Variants in RASA1 observed in about 807,000 individuals in gnomAD.
The protein encoded by RASA1 is RAS p21 protein activator 1, also known as ras GTPase-activating protein 1.
Under a neutral mutation model 132.2 loss-of-function variants are expected in RASA1, and 25 were observed. The observed-to-expected ratio is 0.19, with a 90% CI of 0.14 to 0.26. The LOEUF is 0.26. RASA1 is among the 10% of genes least tolerant of loss of function. The pLI is 1.00. For synonymous variants in RASA1, 477 were observed against 449.9 expected, an observed-to-expected ratio of 1.06 and a Z score of -0.76; for missense variants, 964 against 1,299.2, an observed-to-expected ratio of 0.74 and a Z score of 3.97.
intron 22 of RASA1, among the ~76,000 whole-genome samples, chr5:87,386,207 A>G (rs1164891715): frequency 2.0e-5 from 3 of 151,956 alleles, no homozygotes; most frequent in East Asian, 1.9e-4. Flanking sequence ...GGAATTGCCT[A>G]TTGAGGTCCT....
intron 11 of RASA1, among the ~76,000 whole-genome samples, chr5:87,367,771 A>C (rs1561315189): frequency 6.6e-6 from 1 of 152,170 alleles, no homozygotes; most frequent in Non-Finnish European, 1.5e-5. Context: ...TATTAAATTC[A>C]AGATTGGCAG....
chr5:87,370,472 G>A (rs1760848535), intron 12 of RASA1, among the ~76,000 whole-genome samples: 1 of 152,088 alleles, frequency 6.6e-6, no homozygotes, highest in Admixed American at 6.6e-5. Context: ...AAAATATTTT[G>A]CAACAAAGGG....
At chr5:87,302,350 C>G (rs1755402815) in intron 1 of RASA1, among the ~76,000 whole-genome samples, 1 of 151,874 alleles carries the variant, frequency 6.6e-6, no homozygotes, top group African/African-American at 2.4e-5. Flanking sequence ...TAACCTCTTT[C>G]ATGAAGAGGT....
At chr5:87,315,557 A>T (rs1002904936) in intron 1 of RASA1, among the ~76,000 whole-genome samples, 16 of 152,166 alleles carry the variant, frequency 1.1e-4, no homozygotes, top group African/African-American at 3.9e-4. Context: ...GCTTCCTTTT[A>T]AAAAAATCTT....
At chr5:87,287,280 C>T (rs1011001264) in intron 1 of RASA1, among the ~76,000 whole-genome samples, 13 of 146,176 alleles carry the variant, frequency 8.9e-5, no homozygotes, top group African/African-American at 2.8e-4. Flanking sequence ...CGTATATATA[C>T]ACACCATATA....
At chr5:87,278,909 C>CTTTTTTTTTTTTTTTTTTTTTTTTTTT (rs58122450) in intron 1 of RASA1, among the ~76,000 whole-genome samples, 1 of 83,998 alleles carries the variant, frequency 1.2e-5, no homozygotes. Context: ...CTAATTTGTT[C>CTTTTTTTTTTTTTTTTTTTTTTTTTTT]TTTTTTTTTT....
At chr5:87,339,054 G>A (rs1758249960) in intron 5 of RASA1, among the ~76,000 whole-genome samples, 1 of 152,098 alleles carries the variant, frequency 6.6e-6, no homozygotes, top group Admixed American at 6.5e-5. Context: ...GATTTTTCTA[G>A]TGAGATGGAG....
At chr5:87,379,499 C>T (rs1372522587) in intron 18 of RASA1, among the ~76,000 whole-genome samples, 2 of 152,102 alleles carry the variant, frequency 1.3e-5, no homozygotes, top group Non-Finnish European at 2.9e-5. Flanking sequence ...ATAGAATTGA[C>T]TAAGCACTGT....
At chr5:87,376,659 T>C (rs1226531461) in intron 16 of RASA1, 94 bp downstream of exon 16, 2 of 1,432,236 alleles carry the variant, frequency 1.4e-6, no homozygotes, top group Non-Finnish European at 9.7e-7. Flanking sequence ...TAGTAATTCA[T>C]AGCTTAGTAG....
At chr5:87,345,990 G>T in intron 6 of RASA1, among the ~76,000 whole-genome samples, 1 of 152,074 alleles carries the variant, frequency 6.6e-6, no homozygotes, top group East Asian at 1.9e-4. Flanking sequence ...CCTTTTATTT[G>T]AAGGTAAAAT....
chr5:87,273,053 A>C (rs1164282100), intron 1 of RASA1, among the ~76,000 whole-genome samples: 1 of 152,154 alleles, frequency 6.6e-6, no homozygotes, highest in Non-Finnish European at 1.5e-5. Flanking sequence ...TTGTTACTCG[A>C]GTGTTCCATG....
intron 9 of RASA1, among the ~76,000 whole-genome samples, chr5:87,361,803 TTAAG>T (rs1254142733): frequency 6.6e-6 from 1 of 152,166 alleles, no homozygotes; most frequent in Non-Finnish European, 1.5e-5. Context: ...CAGGGATACA[TTAAG>T]AAAGAACCTA....
At chr5:87,333,466 A>G (rs1379937179) in intron 4 of RASA1, 129 bp downstream of exon 4, 2 of 1,409,392 alleles carry the variant, frequency 1.4e-6, no homozygotes, top group Non-Finnish European at 1.9e-6. Flanking sequence ...AGCTTTTGAT[A>G]TTGGGTCTGT....
intron 8 of RASA1, among the ~76,000 whole-genome samples, chr5:87,351,285 A>G (rs898837200): frequency 3.3e-5 from 5 of 151,788 alleles, no homozygotes; most frequent in African/African-American, 4.8e-5. Flanking sequence ...GTGTAAATAC[A>G]TTAAAGAAAA....
intron 1 of RASA1, among the ~76,000 whole-genome samples, chr5:87,295,406 C>G (rs1274671974): frequency 6.6e-6 from 1 of 151,290 alleles, no homozygotes; most frequent in Non-Finnish European, 1.5e-5. Context: ...TTCTTTGTAA[C>G]TTTTTGTTAT....
At chr5:87,335,675 C>T (rs1336985768) in intron 4 of RASA1, among the ~76,000 whole-genome samples, 1 of 152,098 alleles carries the variant, frequency 6.6e-6, no homozygotes, top group African/African-American at 2.4e-5. Flanking sequence ...ATCTGCCCGC[C>T]TTGGCCTCCC....
At chr5:87,360,694 T>A (rs1760020111) in intron 9 of RASA1, among the ~76,000 whole-genome samples, 1 of 152,154 alleles carries the variant, frequency 6.6e-6, no homozygotes, top group Non-Finnish European at 1.5e-5. Flanking sequence ...CAAAACAGGA[T>A]AATAGAAGTA....
chr5:87,347,759 G>A (rs1018656349), intron 7 of RASA1, among the ~76,000 whole-genome samples: 3 of 152,092 alleles, frequency 2.0e-5, no homozygotes, highest in Middle Eastern at 3.4e-3. Context: ...TAGTAATAGA[G>A]AAGAAATTTT....
At chr5:87,329,281 C>CAAAAAAAAAAAAAA (rs571157213) in intron 1 of RASA1, among the ~76,000 whole-genome samples, 2 of 119,158 alleles carry the variant, frequency 1.7e-5, no homozygotes, top group Non-Finnish European at 1.8e-5. Context: ...TCTGTCTCTC[C>CAAAAAAAAAAAAAA]AAAAAAAAAA....
Sources: allele counts gnomAD v4.1 joint callset (sites outside exome capture counted in the v4.1 genomes callset), GRCh38; gene constraint gnomAD v4.1.1; transcripts MANE v1.5; gene names NCBI Gene and HGNC (gene_info 2026-07-23, HGNC 2026-07-21).